Variants in USP20 observed in about 807,000 individuals in gnomAD.
The protein encoded by USP20 is ubiquitin carboxyl-terminal hydrolase 20.
A neutral mutation model predicts 124.2 loss-of-function variants in USP20; 80 were observed. The observed-to-expected ratio is 0.64, with a 90% CI of 0.54 to 0.78. USP20 has a LOEUF of 0.78. Among genes scored for constraint, USP20 ranks in the 30% least tolerant of loss-of-function variants. The probability of loss-of-function intolerance (pLI) is 0.00; values close to 1 mark genes in which losing one functional copy is unlikely to be tolerated. For synonymous variants in USP20, 481 were observed against 512.3 expected (o/e 0.94, Z 0.83); for missense variants, 1,043 against 1,244.4 (o/e 0.84, Z 2.44).
Position 129,880,124 on chromosome 9 carries a change from G to A in USP20, c.2596G>A (p.Gly866Arg). The change falls in exon 25 of 26, where the codon GGG becomes AGG. Residue 866 changes from glycine to arginine, a missense_variant. Physicochemically the swap from Gly to Arg is moderately radical, Grantham distance 125 (BLOSUM62 -2). Transcript: ENST00000372429. The stretch of plus-strand genomic sequence containing the variant: ...CTCGTGCCCTGCAGGAGCTGACTAC[G>A]GGCAGATTTCGGAGGAGACCTGGAC... ...HVQLKQGADYGQISEETWTYL... is the reference protein window; with the variant it reads ...HVQLKQGADYRQISEETWTYL... 5 of 1,613,716 alleles carry A rather than the reference G, an allele frequency of 3.1e-6. No homozygotes were observed. Among genetic ancestry groups the A allele is most frequent in the African/African-American group, 1.3e-5 (1 of 75,048 alleles).
chr9:129,858,320 T>TG (rs2033326191), intron 5 of USP20, 147 bp from the exon 6 acceptor site: 2 of 1,247,014 alleles, frequency 1.6e-6, no homozygotes, highest in South Asian at 2.6e-5. Context: ...GGGTCCTGAC[T>TG]GGGGGTGGGT....
chr9:129,863,444 G>A (rs1254063384), intron 9 of USP20, 145 bp downstream of exon 9: 20 of 603,112 alleles, frequency 3.3e-5, no homozygotes, highest in Non-Finnish European at 5.1e-5. Flanking sequence ...GCAAGCCTGC[G>A]GGGTGGAAAT....
At chr9:129,858,821 T>G (rs2033360422) in intron 6 of USP20, among the ~76,000 whole-genome samples, 1 of 152,110 alleles carries the variant, frequency 6.6e-6, no homozygotes, top group Admixed American at 6.5e-5. Context: ...CAGAGGTGAC[T>G]GAGAGTAGGG....
At chr9:129,870,960 A>G (rs1241993139) in intron 15 of USP20, among the ~76,000 whole-genome samples, 1 of 147,162 alleles carries the variant, frequency 6.8e-6, no homozygotes. Context: ...CTTTGGGAAA[A>G]CTCTCTCTTT....
chr9:129,853,946 T>C (rs2033078922), intron 3 of USP20, among the ~76,000 whole-genome samples: 1 of 151,984 alleles, frequency 6.6e-6, no homozygotes, highest in Non-Finnish European at 1.5e-5. Context: ...AGCTCCTCTT[T>C]GGGTATCCAG....
In USP20 at chr9:129,873,080, C is replaced by CTTTTTTTTTT. The variant is rs59712662; in HGVS notation, c.1661-392_1661-383dup. On this transcript the variant is annotated intron_variant, in intron 15 of 25. Coordinates refer to ENST00000372429, the MANE Select transcript of USP20 (RefSeq NM_001110303.4). ...TTTATTTCTTTTTCTTTTTCTTCTT[C>CTTTTTTTTTT]TTTTTTTTTTTTTTTTTTTGAGATG... Among the ~76,000 whole-genome samples, 167 of 78,284 alleles carry CTTTTTTTTTT rather than the reference C, an allele frequency of 2.1e-3. 1 individual carries two copies. The highest frequency in any genetic ancestry group is 3.1e-3 in the South Asian group (6 of 1,944). 51.4% of individuals were successfully genotyped at this position (78,284 alleles called of 152,430 possible). A position where few individuals can be genotyped will look rare whatever the true frequency, so the allele number is the denominator to read the frequency against.
At chr9:129,856,447 T>C in intron 4 of USP20, 87 bp downstream of exon 4, 1 of 1,489,598 alleles carries the variant, frequency 6.7e-7, no homozygotes, top group Non-Finnish European at 9.3e-7. Context: ...GGCTAGACTC[T>C]GGGCTGGGAA....
chr9:129,868,081 C>T lies in USP20; in HGVS notation c.767C>T (p.Ala256Val), dbSNP rs770440849. 9 of 1,614,022 alleles carry T rather than the reference C, an allele frequency of 5.6e-6. No individual in the cohort carries two copies. The highest frequency in any genetic ancestry group is 4.5e-5 in the East Asian group (2 of 44,864). ...AAGGAGCCGGTGGTGGCCACGGTGG[C>T]GCTGACGGAGGCTCGGGACTCAGAT... Reference protein sequence around the residue: ...ELKEPVVATVALTEARDSDSS... With the variant: ...ELKEPVVATVVLTEARDSDSS... Residue 256 changes from alanine to valine, a missense_variant, in exon 11 of 26, where the codon GCG becomes GTG. Ala to Val is a moderately conservative substitution (Grantham distance 64). Transcript: ENST00000372429.
At chr9:129,880,051 C>A in intron 24 of USP20, 62 bp from the exon 25 acceptor site, 1 of 1,584,080 alleles carries the variant, frequency 6.3e-7, no homozygotes, top group Non-Finnish European at 8.6e-7. Context: ...CCCCACTGCC[C>A]AGGCCGGTGG....
intron 4 of USP20, among the ~76,000 whole-genome samples, chr9:129,857,016 T>A (rs1386956441): frequency 6.6e-6 from 1 of 152,094 alleles, no homozygotes; most frequent in African/African-American, 2.4e-5. Context: ...GTATGTATTT[T>A]TATAGTCATA....
intron 2 of USP20, 55 bp downstream of exon 2, chr9:129,849,979 G>A (rs191395256): frequency 6.0e-4 from 91 of 152,088 alleles, no homozygotes; most frequent in African/African-American, 2.1e-3. Context: ...GAGGACACAT[G>A]GATTTTTCTC....
chr9:129,865,531 A>G, intron 10 of USP20, 150 bp downstream of exon 10: 2 of 756,040 alleles, frequency 2.6e-6, no homozygotes, highest in Non-Finnish European at 4.4e-6. Context: ...AGCCCTTCAC[A>G]CGTGTGAGGA....
At chr9:129,875,709 G>T in intron 21 of USP20, 68 bp downstream of exon 21, 1 of 1,515,188 alleles carries the variant, frequency 6.6e-7, no homozygotes, top group South Asian at 1.2e-5. Flanking sequence ...AAAGAGGGGA[G>T]GGCAGGGAAG....
chr9:129,860,389 C>G (rs2033479356), intron 6 of USP20, among the ~76,000 whole-genome samples: 1 of 151,466 alleles, frequency 6.6e-6, no homozygotes, highest in Non-Finnish European at 1.5e-5. Context: ...GCAGTTCTCT[C>G]AGGAAAATGG....
chr9:129,874,986 C>T (rs374556177), intron 19 of USP20, 31 bp downstream of exon 19: 198 of 1,608,760 alleles, frequency 1.2e-4, no homozygotes, highest in East Asian at 2.0e-4. Context: ...GGTGGAGGAA[C>T]CTCACCATCC....
chr9:129,840,375 G>T (rs1032953635), intron 1 of USP20, among the ~76,000 whole-genome samples: 32 of 152,130 alleles, frequency 2.1e-4, no homozygotes, highest in African/African-American at 7.2e-4. Context: ...CCTAGAGAGT[G>T]GGTGAACAAA....
At chr9:129,860,848 G>A in intron 6 of USP20, 89 bp from the exon 7 acceptor site, 1 of 1,363,106 alleles carries the variant, frequency 7.3e-7, no homozygotes. Flanking sequence ...CGGGCAGTAG[G>A]GCTGGACTTC....
rs116204659 is a variant in USP20 at position 129,862,036 on chromosome 9, G to A, written c.497+424G>A. ...CAATCCCGTTTTATGGGAGAAATGC[G>A]ATTTTCCATTAAGGATAAGGCTGTG... On this transcript the variant is annotated intron_variant, in intron 8 of 25. Coordinates refer to ENST00000372429, the MANE Select transcript of USP20 (RefSeq NM_001110303.4). Among the ~76,000 whole-genome samples, 398 of 152,286 alleles carry A rather than the reference G, an allele frequency of 2.6e-3. 3 individuals carry two copies. Among genetic ancestry groups the A allele is most frequent in the African/African-American group, 9.0e-3 (374 of 41,556 alleles).
At chr9:129,878,967 C>T (rs970751012) in intron 23 of USP20, among the ~76,000 whole-genome samples, 3 of 152,232 alleles carry the variant, frequency 2.0e-5, no homozygotes, top group Non-Finnish European at 2.9e-5. Flanking sequence ...GTAGAGCCCA[C>T]GGTTCTGCTC....
Sources: allele counts gnomAD v4.1 joint callset (sites outside exome capture counted in the v4.1 genomes callset), GRCh38; gene constraint gnomAD v4.1.1; transcripts MANE v1.5; gene names NCBI Gene and HGNC (gene_info 2026-07-23, HGNC 2026-07-21).